GRID2: variants seen among roughly 807,000 people sequenced by gnomAD.
The protein encoded by GRID2 is glutamate receptor ionotropic, delta-2.
A neutral mutation model predicts 114.8 loss-of-function variants in GRID2; 33 were observed. The ratio of observed to expected loss-of-function variants is 0.29; its 90% CI spans 0.22 to 0.38. GRID2 has a LOEUF of 0.38. Among genes scored for constraint, GRID2 ranks in the 10% least tolerant of loss-of-function variants. The probability of loss-of-function intolerance (pLI) is 1.00; values close to 1 mark genes in which losing one functional copy is unlikely to be tolerated. For missense variants in GRID2, 1,184 were observed against 1,257.7 expected (o/e 0.94, Z 0.89); for synonymous variants, 505 against 449.9 (o/e 1.12, Z -1.55).
intron 4 of GRID2, among the ~76,000 whole-genome samples, chr4:93,176,394 A>G (rs2149429369): frequency 6.6e-6 from 1 of 152,330 alleles, no homozygotes; most frequent in South Asian, 2.1e-4. Flanking sequence ...TTGAAAGATG[A>G]TAGTTCATTC....
At chr4:92,312,513 C>A (rs1725759070) in intron 1 of GRID2, among the ~76,000 whole-genome samples, 1 of 152,004 alleles carries the variant, frequency 6.6e-6, no homozygotes, top group Admixed American at 6.6e-5. Context: ...AGTAAAGAGG[C>A]TTCCAAGGTA....
intron 2 of GRID2, among the ~76,000 whole-genome samples, chr4:92,917,193 G>A (rs962702505): frequency 6.6e-5 from 10 of 151,840 alleles, no homozygotes; most frequent in African/African-American, 1.9e-4. Flanking sequence ...CTTCGCCCAC[G>A]TGGTGATGGG....
intron 13 of GRID2, among the ~76,000 whole-genome samples, chr4:93,518,589 A>G (rs903447018): frequency 6.6e-6 from 1 of 152,152 alleles, no homozygotes; most frequent in African/African-American, 2.4e-5. Context: ...TAAACAATAA[A>G]CAAAATAAAC....
chr4:93,383,763 C>T (rs1282071105), intron 8 of GRID2, among the ~76,000 whole-genome samples: 1 of 152,160 alleles, frequency 6.6e-6, no homozygotes, highest in East Asian at 1.9e-4. Flanking sequence ...TGGTTTTCCC[C>T]TGCTCTGGAC....
chr4:93,364,938 C>A (rs569743125), intron 8 of GRID2, among the ~76,000 whole-genome samples: 32 of 152,224 alleles, frequency 2.1e-4, no homozygotes, highest in South Asian at 6.2e-4. Context: ...CATTTGCATT[C>A]TTTACTACTC....
intron 1 of GRID2, among the ~76,000 whole-genome samples, chr4:92,328,666 T>C (rs912983484): frequency 4.6e-5 from 7 of 152,084 alleles, no homozygotes; most frequent in African/African-American, 1.7e-4. Context: ...ACAAACAGCA[T>C]AATAAAATGT....
intron 2 of GRID2, among the ~76,000 whole-genome samples, chr4:92,746,698 T>C (rs1485059082): frequency 6.6e-6 from 1 of 152,146 alleles, no homozygotes; most frequent in East Asian, 1.9e-4. Context: ...AGAGTCTTTT[T>C]TTCTTACCTT....
chr4:92,447,932 A>G (rs528971684), intron 1 of GRID2, among the ~76,000 whole-genome samples: 2 of 152,316 alleles, frequency 1.3e-5, no homozygotes, highest in South Asian at 4.1e-4. Flanking sequence ...AAATTCAAAT[A>G]TTCTGAACCC....
intron 3 of GRID2, among the ~76,000 whole-genome samples, chr4:93,108,335 T>C (rs1030498391): frequency 6.6e-6 from 1 of 152,218 alleles, no homozygotes; most frequent in Non-Finnish European, 1.5e-5. Flanking sequence ...TCCTAGCTCC[T>C]AGTATTGTGT....
At chr4:93,550,272 T>A (rs1445679396) in intron 13 of GRID2, among the ~76,000 whole-genome samples, 4 of 152,090 alleles carry the variant, frequency 2.6e-5, no homozygotes, top group African/African-American at 7.2e-5. Context: ...TCTAATTTTT[T>A]AAACTATATT....
chr4:92,847,207 A>T (rs1743392135), intron 2 of GRID2, among the ~76,000 whole-genome samples: 1 of 152,054 alleles, frequency 6.6e-6, no homozygotes, highest in Non-Finnish European at 1.5e-5. Context: ...TTTTCTAATT[A>T]TGCTGCTGCT....
At chr4:93,174,420 T>G (rs1739149390) in intron 4 of GRID2, among the ~76,000 whole-genome samples, 1 of 152,206 alleles carries the variant, frequency 6.6e-6, no homozygotes, top group Admixed American at 6.5e-5. Context: ...TCTCTGGAGA[T>G]TCATCTAAGT....
chr4:93,686,523 C>T (rs1726095242), intron 14 of GRID2, among the ~76,000 whole-genome samples: 1 of 151,482 alleles, frequency 6.6e-6, no homozygotes, highest in Admixed American at 6.6e-5. Context: ...CTTCATGGAA[C>T]TTGCATTTCA....
At chr4:92,681,940 G>A (rs930331608) in intron 2 of GRID2, among the ~76,000 whole-genome samples, 7 of 152,050 alleles carry the variant, frequency 4.6e-5, no homozygotes, top group Non-Finnish European at 5.9e-5. Context: ...TACCTCAGTT[G>A]ATTAAAGAAA....
At position 92,611,220 on chromosome 4, in the gene GRID2, A is replaced by G. The variant is rs1247673687; in HGVS notation, c.244+20934A>G. Among the ~76,000 whole-genome samples, 8 of 151,526 alleles carry G rather than the reference A, an allele frequency of 5.3e-5. No homozygotes were observed. The East Asian group carries it at 1.6e-3, about 30-fold the overall frequency. On this transcript the variant is annotated intron_variant, in intron 2 of 15. Transcript: ENST00000282020. ...ATACAACAGACTGGGTGTCTTAAAC[A>G]ACAGAAATTTATTTTCTTACAGTTC...
At chr4:93,221,412 A>G (rs971709912) in intron 6 of GRID2, among the ~76,000 whole-genome samples, 1 of 152,090 alleles carries the variant, frequency 6.6e-6, no homozygotes, top group Non-Finnish European at 1.5e-5. Flanking sequence ...GGTGATGTCA[A>G]AGAATAAGTG....
chr4:93,801,397 T>C (rs2110367024), intron 1 of GRID2, among the ~76,000 whole-genome samples: 1 of 152,228 alleles, frequency 6.6e-6, no homozygotes, highest in South Asian at 2.1e-4. Flanking sequence ...TTTTCTTTTT[T>C]TATTTTCAGT....
At chr4:93,287,715 A>G (rs1753331120) in intron 8 of GRID2, among the ~76,000 whole-genome samples, 1 of 152,192 alleles carries the variant, frequency 6.6e-6, no homozygotes, top group South Asian at 2.1e-4. Context: ...GGCTATGTTA[A>G]TATTTTATTG....
chr4:93,606,493 G>A (rs868788411), intron 13 of GRID2, among the ~76,000 whole-genome samples: 2 of 152,078 alleles, frequency 1.3e-5, no homozygotes, highest in South Asian at 2.1e-4. Context: ...ACTTATTTTA[G>A]GATTTAGGTT....
Sources: allele counts gnomAD v4.1 joint callset (sites outside exome capture counted in the v4.1 genomes callset), GRCh38; gene constraint gnomAD v4.1.1; transcripts MANE v1.5; gene names NCBI Gene and HGNC (gene_info 2026-07-23, HGNC 2026-07-21).